HIPK3: variants seen among roughly 807,000 people sequenced by gnomAD.
HIPK3 encodes homeodomain-interacting protein kinase 3.
HIPK3 carries 47 observed loss-of-function variants against 124.2 expected under a neutral mutation model. The ratio of observed to expected loss-of-function variants is 0.38; its 90% confidence interval spans 0.30 to 0.48. The LOEUF is 0.48. HIPK3 is among the 20% of genes least tolerant of loss of function. The pLI, the probability that HIPK3 is intolerant of heterozygous loss-of-function variation, is 0.98. For missense variants in HIPK3, 1,286 were observed against 1,454.3 expected (o/e 0.88, Z 1.88); for synonymous variants, 482 against 515.2 (o/e 0.94, Z 0.87).
At chr11:33,268,591 C>CAAAAAAAAAAAAA (rs35408664) in intron 1 of HIPK3, among the ~76,000 whole-genome samples, 1 of 76,032 alleles carries the variant, frequency 1.3e-5, no homozygotes, top group Non-Finnish European at 2.5e-5. Context: ...ACTCCGTCAC[C>CAAAAAAAAAAAAA]AAAAAAAAAA....
Position 33,267,571 on chromosome 11 carries a change from C to T in HIPK3, c.-3+9682C>T, listed in dbSNP as rs1278615798. 5.3e-5 allele frequency among the ~76,000 whole-genome samples: 8 copies of T among 152,168 alleles called. No homozygotes were observed. In the South Asian group the frequency reaches 6.2e-4, roughly 12 times the overall value. Reference sequence around the variant, plus strand: ...AGTGCAGTGGCGTGATCTCGGCTCACTGCAAGCTCTGCCTCCCAGGTTCAC... The same window carrying T: ...AGTGCAGTGGCGTGATCTCGGCTCATTGCAAGCTCTGCCTCCCAGGTTCAC... On this transcript the variant is annotated intron_variant, in intron 1 of 16. Coordinates refer to ENST00000303296, the MANE Select transcript of HIPK3 (RefSeq NM_005734.5).
chr11:33,348,249 C>G (rs1392110779), intron 12 of HIPK3, 21 bp downstream of exon 12: 1 of 1,602,724 alleles, frequency 6.2e-7, no homozygotes, highest in Non-Finnish European at 8.5e-7. Flanking sequence ...CTTTATTGCC[C>G]TTTTGATTTA....
chr11:33,315,423 C>T (rs1209202133), intron 2 of HIPK3, among the ~76,000 whole-genome samples: 1 of 152,144 alleles, frequency 6.6e-6, no homozygotes, highest in Non-Finnish European at 1.5e-5. Flanking sequence ...GATGGGGCTT[C>T]ACCATGTTGG....
intron 2 of HIPK3, among the ~76,000 whole-genome samples, chr11:33,317,066 G>A (rs573948585): frequency 4.6e-5 from 7 of 151,108 alleles, no homozygotes; most frequent in African/African-American, 1.7e-4. Flanking sequence ...CGCCTCCTAG[G>A]TTCAAGGAAT....
chr11:33,262,470 G>T (rs1166837345), intron 1 of HIPK3, among the ~76,000 whole-genome samples: 1 of 152,222 alleles, frequency 6.6e-6, no homozygotes, highest in African/African-American at 2.4e-5. Flanking sequence ...GCAGCATATT[G>T]TCTGGATTCT....
chr11:33,296,927 AG>A (rs1417092041), intron 2 of HIPK3, among the ~76,000 whole-genome samples: 5 of 152,218 alleles, frequency 3.3e-5, no homozygotes, highest in African/African-American at 1.2e-4. Context: ...AAGTTTAGCG[AG>A]GAAGGCGTGT....
Position 33,348,034 on chromosome 11 carries a change from T to C in HIPK3, c.2306+21T>C, listed in dbSNP as rs1172328702. ...AACAGGTTGGTATTGGTGCTTTAGC[T>C]TTCCTCTGCATTTTGAGAATCTTTT... On this transcript the variant is annotated intron_variant, in intron 11 of 16. Transcript: ENST00000303296. 3.7e-6 allele frequency: 6 copies of C among 1,613,570 alleles called. No homozygotes were observed. The Admixed American group carries it at 1.0e-4, about 27-fold the overall frequency.
At chr11:33,323,291 T>C (rs1456541152) in intron 2 of HIPK3, among the ~76,000 whole-genome samples, 1 of 152,212 alleles carries the variant, frequency 6.6e-6, no homozygotes, top group Non-Finnish European at 1.5e-5. Flanking sequence ...TCGCCCAGGC[T>C]GGAGTGCAGT....
At chr11:33,328,439 A>G in intron 2 of HIPK3, 71 bp from the exon 3 acceptor site, 4 of 1,466,790 alleles carry the variant, frequency 2.7e-6, no homozygotes, top group Non-Finnish European at 3.8e-6. Flanking sequence ...CCAACTTCCT[A>G]GAATGCCAGT....
At chr11:33,298,988 A>C (rs574596170) in intron 2 of HIPK3, among the ~76,000 whole-genome samples, 1 of 151,978 alleles carries the variant, frequency 6.6e-6, no homozygotes, top group Non-Finnish European at 1.5e-5. Flanking sequence ...CTGGAATTAC[A>C]GGTGCCTGCC....
intron 1 of HIPK3, chr11:33,258,288 C>T (rs1565048274): frequency 3.0e-6 from 3 of 985,316 alleles, no homozygotes; most frequent in Middle Eastern, 1.0e-3. Context: ...GCCTCTCTTC[C>T]CCCTCCGCAG....
At chr11:33,327,772 A>G (rs144584287) in intron 2 of HIPK3, among the ~76,000 whole-genome samples, 8 of 152,324 alleles carry the variant, frequency 5.3e-5, no homozygotes, top group African/African-American at 1.9e-4. Context: ...TGTGATCCAT[A>G]TGACTTCTTT....
At chr11:33,315,925 C>G (rs1488431461) in intron 2 of HIPK3, among the ~76,000 whole-genome samples, 1 of 152,034 alleles carries the variant, frequency 6.6e-6, no homozygotes, top group East Asian at 1.9e-4. Flanking sequence ...ATTAAGTGGC[C>G]TTTCAATAAG....
At chr11:33,288,542 A>C (rs1463067199) in intron 2 of HIPK3, among the ~76,000 whole-genome samples, 2 of 152,202 alleles carry the variant, frequency 1.3e-5, no homozygotes, top group African/African-American at 4.8e-5. Context: ...ATTATGTTCT[A>C]TCCACATATA....
intron 1 of HIPK3, among the ~76,000 whole-genome samples, chr11:33,283,686 T>TC (rs1463850935): frequency 6.6e-6 from 1 of 151,876 alleles, no homozygotes; most frequent in Non-Finnish European, 1.5e-5. Flanking sequence ...TTTTTTTTTT[T>TC]CTTTTGGAGA....
intron 1 of HIPK3, among the ~76,000 whole-genome samples, chr11:33,277,422 A>G (rs966381645): frequency 3.3e-5 from 5 of 152,196 alleles, no homozygotes; most frequent in Admixed American, 6.5e-5. Flanking sequence ...ACATTTTAAC[A>G]TCTTTGAAAT....
intron 1 of HIPK3, among the ~76,000 whole-genome samples, chr11:33,261,201 ATATG>A (rs1297179114): frequency 6.8e-6 from 1 of 147,588 alleles, no homozygotes; most frequent in Non-Finnish European, 1.5e-5. Context: ...ATATAAATAT[ATATG>A]TATTTTTTTT....
intron 3 of HIPK3, among the ~76,000 whole-genome samples, 197 bp from the exon 4 acceptor site, chr11:33,336,878 A>G (rs1332879194): frequency 6.6e-6 from 1 of 152,208 alleles, no homozygotes; most frequent in Non-Finnish European, 1.5e-5. Flanking sequence ...TGCCTTTTCT[A>G]TCAAGCGTGC....
chr11:33,256,724 T>C, upstream of HIPK3: 1 of 984,244 alleles, frequency 1.0e-6, no homozygotes, highest in Non-Finnish European at 1.2e-6. Flanking sequence ...TTAAACCGAC[T>C]AATTTAACGG....
Sources: gnomAD v4.1 joint callset for allele counts (sites outside exome capture counted in the v4.1 genomes callset) on GRCh38, gnomAD v4.1.1 for gene constraint, MANE v1.5 for transcripts, NCBI Gene and HGNC (gene_info 2026-07-23, HGNC 2026-07-21) for gene names.